PIAS2: variants seen among roughly 807,000 people sequenced by gnomAD.
The protein encoded by PIAS2 is E3 SUMO-protein ligase PIAS2.
PIAS2 carries 19 observed loss-of-function variants against 69.7 expected under a neutral mutation model. That is an observed-to-expected ratio of 0.27 (90% CI 0.19 to 0.40). PIAS2 has a LOEUF of 0.40. PIAS2 is among the 10% of genes least tolerant of loss of function. PIAS2 has a pLI of 1.00. For synonymous variants in PIAS2, 261 were observed against 263.2 expected (o/e 0.99, Z 0.08); for missense variants, 624 against 757.0 (o/e 0.82, Z 2.06).
chr18:46,865,128 T>C (rs966721574), intron 2 of PIAS2, among the ~76,000 whole-genome samples: 4 of 152,180 alleles, frequency 2.6e-5, no homozygotes, highest in South Asian at 2.1e-4. Flanking sequence ...AAACCTGCAA[T>C]AGGTTAATAA....
intron 1 of PIAS2, chr18:46,906,065 A>G (rs1949645485): frequency 6.6e-6 from 1 of 152,170 alleles, no homozygotes. Flanking sequence ...ATAACTCAGC[A>G]TGTTAACAGA....
At chr18:46,859,289 G>A (rs1039707556) in intron 3 of PIAS2, among the ~76,000 whole-genome samples, 2 of 152,106 alleles carry the variant, frequency 1.3e-5, no homozygotes, top group Admixed American at 6.5e-5. Context: ...TTAGCCAGGC[G>A]TGGTGGTGGG....
At position 46,810,434 on chromosome 18, in the gene PIAS2, C is replaced by T. The variant is rs1191619195; in HGVS notation, c.*1999G>A. 1 of 152,048 alleles carries T rather than the reference C, an allele frequency of 6.6e-6. No homozygotes were observed. The highest frequency in any genetic ancestry group is 2.4e-5 in the African/African-American group (1 of 41,394). The allele number at this position is 152,048 out of a possible 1,614,324, so 9.4% of individuals were successfully genotyped here. Reference sequence around the variant, plus strand: ...CTGATTACAGAGTCAATAAATATTGCATCTGTATTTAGAGCAGCAACATAA... The same window carrying T: ...CTGATTACAGAGTCAATAAATATTGTATCTGTATTTAGAGCAGCAACATAA... On this transcript the variant is annotated 3_prime_UTR_variant, in exon 14 of 14. Transcript: ENST00000585916.
intron 5 of PIAS2, among the ~76,000 whole-genome samples, chr18:46,849,814 A>C (rs1002328611): frequency 6.6e-6 from 1 of 152,218 alleles, no homozygotes; most frequent in African/African-American, 2.4e-5. Context: ...ACATGTTGCC[A>C]TTCTTGTTTC....
chr18:46,817,536 A>C (rs2041691085), intron 12 of PIAS2: 1 of 930,742 alleles, frequency 1.1e-6, no homozygotes, highest in Non-Finnish European at 1.3e-6. Context: ...GGTAAATATA[A>C]AGTTTATTTA....
At chr18:46,814,948 TATTG>T (rs1402274581) in intron 13 of PIAS2, among the ~76,000 whole-genome samples, 1 of 152,236 alleles carries the variant, frequency 6.6e-6, no homozygotes, top group Non-Finnish European at 1.5e-5. Flanking sequence ...CAGGTTTAGC[TATTG>T]ATTTTCTATA....
chr18:46,917,476 G>GGCC lies in PIAS2; in HGVS notation c.-134_-132dup. 8.3e-7 allele frequency: 1 copy of GGCC among 1,207,812 alleles called. No individual in the cohort carries two copies. 74.8% of individuals were successfully genotyped at this position (1,207,812 alleles called of 1,614,324 possible). A position where few individuals can be genotyped will look rare whatever the true frequency, so the allele number is the denominator to read the frequency against. On this transcript the variant is annotated 5_prime_UTR_variant, in exon 1 of 14. Transcript: ENST00000585916. ...CACTGGGCGCCGCTTAAGACGCCGC[G>GGCC]GCCGCCGCCGCTACAGCCGGGCCCG...
At chr18:46,837,971 T>C (rs1475599834) in intron 8 of PIAS2, among the ~76,000 whole-genome samples, 2 of 152,168 alleles carry the variant, frequency 1.3e-5, no homozygotes, top group African/African-American at 2.4e-5. Context: ...TGAATGGACA[T>C]GGACTGGAAA....
At chr18:46,816,905 T>C (rs974048214) in intron 12 of PIAS2, 36 of 939,178 alleles carry the variant, frequency 3.8e-5, no homozygotes, top group Admixed American at 6.2e-5. Context: ...GATATCTCAA[T>C]AAGCAGATTT....
chr18:46,835,680 A>C (rs1407294782), intron 9 of PIAS2, among the ~76,000 whole-genome samples: 1 of 152,226 alleles, frequency 6.6e-6, no homozygotes, highest in Non-Finnish European at 1.5e-5. Flanking sequence ...ATATATTAAT[A>C]TAAATCATTA....
intron 2 of PIAS2, among the ~76,000 whole-genome samples, chr18:46,866,693 G>A (rs1461293455): frequency 6.6e-6 from 1 of 152,156 alleles, no homozygotes; most frequent in African/African-American, 2.4e-5. Context: ...TTCTAACACA[G>A]GGAGGAAATA....
At position 46,829,867 on chromosome 18, in the gene PIAS2, C is replaced by T; in HGVS notation, c.1203G>A (p.Gly401=). The change falls in exon 10 of 14, where the codon GGG becomes GGA. Residue 401 remains glycine (G), a splice_region_variant and synonymous_variant. Coordinates refer to ENST00000585916, the MANE Select transcript of PIAS2 (RefSeq NM_004671.5). ...KAAYESLILD[G]LFMEILNDCS... ...AGTCATTGAGAATTTCCATAAAAAG[C>T]CTAAAAAACAATTAAGAAGTACATA... The T allele has an allele frequency of 1.2e-6, 2 of 1,609,500 alleles. No individual in the cohort carries two copies. The highest frequency in any genetic ancestry group is 1.7e-5 in the Admixed American group (1 of 59,112).
At chr18:46,913,927 G>T (rs922209601) in intron 1 of PIAS2, among the ~76,000 whole-genome samples, 2 of 152,178 alleles carry the variant, frequency 1.3e-5, no homozygotes, top group African/African-American at 4.8e-5. Context: ...CTCTCAAAGC[G>T]CTGGAATTAC....
Position 46,811,603 on chromosome 18 carries a change from T to G in PIAS2, c.*830A>C, listed in dbSNP as rs1308640101. 6.6e-6 allele frequency: 1 copy of G among 152,180 alleles called. No individual in the cohort carries two copies. Among genetic ancestry groups the G allele is most frequent in the African/African-American group, 2.4e-5 (1 of 41,436 alleles). The allele number at this position is 152,180 out of a possible 1,614,324, so 9.4% of individuals were successfully genotyped here. On this transcript the variant is annotated 3_prime_UTR_variant, in exon 14 of 14. Coordinates refer to ENST00000585916, the MANE Select transcript of PIAS2 (RefSeq NM_004671.5). ...AAAGACATTTCATTCAATGGCTGCATAGTTTCTTTTTTGAGAAGGCAAGCC... is the reference window on the plus strand; with the variant it reads ...AAAGACATTTCATTCAATGGCTGCAGAGTTTCTTTTTTGAGAAGGCAAGCC...
intron 1 of PIAS2, chr18:46,915,104 G>A (rs1044034034): frequency 4.0e-5 from 6 of 151,780 alleles, no homozygotes; most frequent in African/African-American, 1.5e-4. Flanking sequence ...TGTAGCCCGG[G>A]CTCTGAAAAG....
At position 46,884,559 on chromosome 18, in the gene PIAS2, C is replaced by T. The variant is rs534282142; in HGVS notation, c.499+6021G>A. On this transcript the variant is annotated intron_variant, in intron 2 of 13. Transcript: ENST00000585916. ...ATCTCCTGACCTCGTGATCCGCCCA[C>T]CTCGGCCTCCCAAAAGTGTTGGGAT... Among the ~76,000 whole-genome samples, 40 of 152,170 alleles carry T rather than the reference C, an allele frequency of 2.6e-4. No homozygotes were observed. The South Asian group carries it at 8.3e-3, about 32-fold the overall frequency.
chr18:46,905,596 GA>G (rs2056491552), intron 1 of PIAS2, among the ~76,000 whole-genome samples: 4 of 151,424 alleles, frequency 2.6e-5, no homozygotes, highest in Admixed American at 2.6e-4. Flanking sequence ...AAATTATCAA[GA>G]AAAAAAGAAG....
chr18:46,830,222 T>C (rs1030120687), intron 9 of PIAS2, among the ~76,000 whole-genome samples: 5 of 152,054 alleles, frequency 3.3e-5, no homozygotes, highest in African/African-American at 7.2e-5. Flanking sequence ...GGTTACTATA[T>C]AGTAAAATAA....
intron 1 of PIAS2, among the ~76,000 whole-genome samples, chr18:46,908,481 C>T (rs930878403): frequency 6.6e-6 from 1 of 151,862 alleles, no homozygotes; most frequent in Admixed American, 6.6e-5. Flanking sequence ...ATCTTGGTCA[C>T]CACTTCACAC....
Sources: gnomAD v4.1 joint callset for allele counts (sites outside exome capture counted in the v4.1 genomes callset) on GRCh38, gnomAD v4.1.1 for gene constraint, MANE v1.5 for transcripts, NCBI Gene and HGNC (gene_info 2026-07-23, HGNC 2026-07-21) for gene names.